Variants in MYT1L observed in about 807,000 individuals in gnomAD.
MYT1L encodes the protein myelin transcription factor 1-like protein.
A neutral mutation model predicts 126.7 loss-of-function variants in MYT1L; 12 were observed. The observed-to-expected ratio is 0.09, with a 90% CI of 0.06 to 0.15. The LOEUF (loss-of-function observed/expected upper bound fraction) is 0.15. Ranked by LOEUF, MYT1L falls within the 10% of genes least tolerant of loss-of-function variation. The pLI is 1.00. For synonymous variants in MYT1L, 541 were observed against 604.2 expected, an observed-to-expected ratio of 0.90 and a Z score of 1.53; for missense variants, 979 against 1,585.2, an observed-to-expected ratio of 0.62 and a Z score of 6.49.
chr2:2,112,860 G>A (rs1356264232), intron 3 of MYT1L, among the ~76,000 whole-genome samples: 4 of 152,112 alleles, frequency 2.6e-5, no homozygotes, highest in South Asian at 2.1e-4. Context: ...GCAGCCTCCC[G>A]CGAGTCGCAC....
chr2:1,976,657 C>A (rs927339261), intron 8 of MYT1L, among the ~76,000 whole-genome samples: 1 of 152,120 alleles, frequency 6.6e-6, no homozygotes, highest in African/African-American at 2.4e-5. Flanking sequence ...AACAAAAAAC[C>A]AGGCAGATAT....
intron 13 of MYT1L, among the ~76,000 whole-genome samples, chr2:1,909,040 A>C (rs946222811): frequency 2.0e-5 from 3 of 152,232 alleles, no homozygotes; most frequent in Non-Finnish European, 4.4e-5. Flanking sequence ...GATGTTATGA[A>C]ATAATACTCA....
chr2:2,267,228 G>T (rs1328392415), intron 2 of MYT1L, among the ~76,000 whole-genome samples: 1 of 152,192 alleles, frequency 6.6e-6, no homozygotes, highest in Non-Finnish European at 1.5e-5. Flanking sequence ...TGTGCTAGCT[G>T]CTGCTTCACA....
chr2:2,067,504 T>C (rs553668302), intron 3 of MYT1L, among the ~76,000 whole-genome samples: 1 of 152,254 alleles, frequency 6.6e-6, no homozygotes, highest in African/African-American at 2.4e-5. Context: ...GGCAGAAGGA[T>C]TGTTTGAGCC....
At chr2:1,832,634 G>A (rs1309451191) in intron 21 of MYT1L, among the ~76,000 whole-genome samples, 1 of 152,154 alleles carries the variant, frequency 6.6e-6, no homozygotes, top group African/African-American at 2.4e-5. Flanking sequence ...GTGTCTGCCT[G>A]CCCGTCCATT....
rs926870525 is a variant in MYT1L at position 1,889,946 on chromosome 2, A to G, written c.2284-469T>C. Reference sequence around the variant, plus strand: ...TGTGTGTGTGTATAAACACACATATATCAGCTTAAAAATTCTCTTTTTTAT... The same window carrying G: ...TGTGTGTGTGTATAAACACACATATGTCAGCTTAAAAATTCTCTTTTTTAT... On this transcript the variant is annotated intron_variant, in intron 15 of 24. Coordinates refer to ENST00000647738, the MANE Select transcript of MYT1L (RefSeq NM_001303052.2). This position sits in a 1 kb window ranked among gnomAD's most constrained non-coding sequence, Gnocchi z 4.1. Among the ~76,000 whole-genome samples, 1 of 152,234 alleles carries G rather than the reference A, an allele frequency of 6.6e-6. No homozygotes were observed. Among genetic ancestry groups the G allele is most frequent in the Admixed American group, 6.5e-5 (1 of 15,288 alleles).
intron 4 of MYT1L, among the ~76,000 whole-genome samples, chr2:2,019,012 G>A (rs76508248): frequency 0.04 from 6,043 of 152,236 alleles, 165 homozygotes; most frequent in Non-Finnish European, 0.057. Flanking sequence ...TACAATACTA[G>A]ATGCTGGCTT....
At chr2:1,947,204 G>A (rs2057308643) in intron 8 of MYT1L, among the ~76,000 whole-genome samples, 1 of 152,086 alleles carries the variant, frequency 6.6e-6, no homozygotes, top group Admixed American at 6.5e-5. Context: ...GGTGACTGGG[G>A]GTAAGGTGGG....
At chr2:2,247,739 A>T (rs557866936) in intron 2 of MYT1L, among the ~76,000 whole-genome samples, 1 of 152,210 alleles carries the variant, frequency 6.6e-6, no homozygotes, top group East Asian at 1.9e-4. Context: ...TAGAATTTCC[A>T]TGAATTTTAC....
intron 3 of MYT1L, among the ~76,000 whole-genome samples, chr2:2,074,215 C>A (rs910191381): frequency 1.3e-5 from 2 of 152,184 alleles, no homozygotes; most frequent in African/African-American, 4.8e-5. Context: ...AGTTAAAGAT[C>A]CTTTTTCTAA....
rs114074688 is a variant in MYT1L at position 2,158,159 on chromosome 2, C to T, written c.-304+14713G>A. On this transcript the variant is annotated intron_variant, in intron 3 of 24. Transcript: ENST00000647738. ...AAGACAGGAACCATGTGCAGACACACCGAGACCACACAGTGTAGCAAGTGG... is the reference window on the plus strand; with the variant it reads ...AAGACAGGAACCATGTGCAGACACATCGAGACCACACAGTGTAGCAAGTGG... Among the ~76,000 whole-genome samples the T allele has an allele frequency of 5.4e-3, 823 of 152,168 alleles. 5 individuals carry two copies. The highest frequency in any genetic ancestry group is 0.018 in the African/African-American group (763 of 41,498).
intron 18 of MYT1L, among the ~76,000 whole-genome samples, chr2:1,866,501 C>CAGAGAGAGAAGGGGAG (rs2045499085): frequency 1.0e-5 from 1 of 96,938 alleles, no homozygotes; most frequent in Non-Finnish European, 2.0e-5. Flanking sequence ...GAGAGGCAGG[C>CAGAGAGAGAAGGGGAG]AGAGAGAGAA....
chr2:2,141,908 G>T (rs1334135792), intron 3 of MYT1L, among the ~76,000 whole-genome samples: 2 of 152,246 alleles, frequency 1.3e-5, no homozygotes, highest in East Asian at 3.9e-4. Context: ...CTCAGTCAAT[G>T]AATTTTGGAA....
intron 23 of MYT1L, among the ~76,000 whole-genome samples, chr2:1,794,438 T>C (rs1368205259): frequency 6.6e-6 from 1 of 152,222 alleles, no homozygotes; most frequent in East Asian, 1.9e-4. Flanking sequence ...GTGCAGTGTG[T>C]CTGCAGTGAG....
At chr2:2,130,708 T>A (rs1224626003) in intron 3 of MYT1L, among the ~76,000 whole-genome samples, 1 of 152,196 alleles carries the variant, frequency 6.6e-6, no homozygotes, top group Admixed American at 6.5e-5. Context: ...AACCACGGAA[T>A]TCGCAGGAAG....
rs867212212 is a variant in MYT1L, at chr2:2,059,968, G to A, written c.-303-5845C>T. On this transcript the variant is annotated intron_variant, in intron 3 of 24. Coordinates refer to ENST00000647738, the MANE Select transcript of MYT1L (RefSeq NM_001303052.2). This position sits in a 1 kb window ranked among gnomAD's most constrained non-coding sequence, Gnocchi z 4.7. ...CCCCACCACGAGCTCGTCAGGGCAG[G>A]GGACAGAGCCCATTAGATTCTAAAC... Among the ~76,000 whole-genome samples the A allele has an allele frequency of 6.6e-6, 1 of 152,178 alleles. No homozygotes were observed. The highest frequency in any genetic ancestry group is 2.4e-5 in the African/African-American group (1 of 41,448).
At chr2:2,033,473 T>C (rs2066631880) in intron 4 of MYT1L, among the ~76,000 whole-genome samples, 1 of 152,190 alleles carries the variant, frequency 6.6e-6, no homozygotes, top group Non-Finnish European at 1.5e-5. Context: ...TCTCATCCTA[T>C]GGCAACGAGG....
chr2:2,216,388 T>C (rs61688379), intron 2 of MYT1L, among the ~76,000 whole-genome samples: 24,513 of 152,110 alleles, frequency 0.16, 2,136 homozygotes, highest in African/African-American at 0.22. Context: ...TATTTGGAAA[T>C]TAAATAACAC....
intron 4 of MYT1L, among the ~76,000 whole-genome samples, chr2:2,051,528 G>C (rs1397875516): frequency 6.6e-6 from 1 of 152,150 alleles, no homozygotes; most frequent in African/African-American, 2.4e-5. Flanking sequence ...ACTGAGATTA[G>C]GTGGAACATC....
Sources: allele counts gnomAD v4.1 joint callset (sites outside exome capture counted in the v4.1 genomes callset), GRCh38; gene constraint gnomAD v4.1.1; non-coding constraint Gnocchi (gnomAD v3.1); transcripts MANE v1.5; gene names NCBI Gene and HGNC (gene_info 2026-07-23, HGNC 2026-07-21).